The following DLGAP1 variants were observed in gnomAD, a reference collection of about 807,000 sequenced individuals.
The protein encoded by DLGAP1 is DLG associated protein 1.
DLGAP1 carries 11 observed loss-of-function variants against 90.8 expected under a neutral mutation model. That is an observed-to-expected ratio of 0.12 (90% CI 0.08 to 0.20). The LOEUF (loss-of-function observed/expected upper bound fraction) is 0.20. DLGAP1 is among the 10% of genes least tolerant of loss of function. The pLI, the probability that DLGAP1 is intolerant of heterozygous loss-of-function variation, is 1.00. For missense variants in DLGAP1, 1,050 were observed against 1,333.8 expected, an observed-to-expected ratio of 0.79 and a Z score of 3.31; for synonymous variants, 558 against 540.7, an observed-to-expected ratio of 1.03 and a Z score of -0.44.
chr18:3,685,939 C>A (rs2060688305), intron 7 of DLGAP1, among the ~76,000 whole-genome samples: 1 of 151,748 alleles, frequency 6.6e-6, no homozygotes, highest in Non-Finnish European at 1.5e-5. Flanking sequence ...TTTGGGAGGC[C>A]AAGGCAGGAG....
intron 3 of DLGAP1, among the ~76,000 whole-genome samples, chr18:3,961,932 A>G (rs73940353): frequency 2.6e-3 from 390 of 152,330 alleles, no homozygotes; most frequent in African/African-American, 8.9e-3. Flanking sequence ...GACTGGATGC[A>G]GGATGCTAAC....
intron 2 of DLGAP1, among the ~76,000 whole-genome samples, chr18:4,095,626 G>A (rs897579219): frequency 1.3e-5 from 2 of 151,870 alleles, no homozygotes; most frequent in South Asian, 2.1e-4. Flanking sequence ...CCAAGTCAGG[G>A]CCAGAAAGAC....
intron 1 of DLGAP1, chr18:4,264,497 C>T (rs2079064635): frequency 6.6e-6 from 1 of 152,194 alleles, no homozygotes; most frequent in Non-Finnish European, 1.5e-5. Context: ...CATTCTTCAC[C>T]TTCACTGACC....
chr18:3,921,118 G>A (rs1043357151), intron 3 of DLGAP1, among the ~76,000 whole-genome samples: 1 of 152,204 alleles, frequency 6.6e-6, no homozygotes, highest in Admixed American at 6.5e-5. Context: ...AGCCTGGGAA[G>A]CATTCTTTTA....
intron 1 of DLGAP1, among the ~76,000 whole-genome samples, chr18:4,237,347 C>T (rs188863656): frequency 2.6e-5 from 4 of 152,202 alleles, no homozygotes; most frequent in Admixed American, 2.0e-4. Context: ...CTCCAGTGGG[C>T]GCAGTCTTGG....
intron 1 of DLGAP1, among the ~76,000 whole-genome samples, chr18:4,269,350 A>AT (rs1276704887): frequency 7.2e-4 from 91 of 127,064 alleles, no homozygotes; most frequent in African/African-American, 2.5e-3. Flanking sequence ...ATATATATAT[A>AT]TATATTTTTT....
chr18:4,363,467 G>C (rs1452044472), intron 1 of DLGAP1, among the ~76,000 whole-genome samples: 4 of 152,104 alleles, frequency 2.6e-5, no homozygotes, highest in Non-Finnish European at 5.9e-5. Context: ...GTAACTTCCA[G>C]GAAACCAGAC....
At chr18:4,038,542 A>C (rs1454512345) in intron 2 of DLGAP1, among the ~76,000 whole-genome samples, 1 of 152,162 alleles carries the variant, frequency 6.6e-6, no homozygotes, top group Non-Finnish European at 1.5e-5. Flanking sequence ...GTTTATTTTT[A>C]ACATCTTCTC....
intron 1 of DLGAP1, among the ~76,000 whole-genome samples, chr18:4,230,694 A>ATTTC (rs1441401477): frequency 6.7e-6 from 1 of 149,646 alleles, no homozygotes; most frequent in Non-Finnish European, 1.5e-5. Context: ...AAGAATGACT[A>ATTTC]AGATCTAGTA....
At chr18:3,875,948 C>G (rs1439175126) in intron 4 of DLGAP1, among the ~76,000 whole-genome samples, 1 of 150,852 alleles carries the variant, frequency 6.6e-6, no homozygotes, top group Non-Finnish European at 1.5e-5. Flanking sequence ...GCTTTGCCTA[C>G]TAAGTCTCTA....
chr18:3,798,685 C>T (rs2066137738), intron 5 of DLGAP1, among the ~76,000 whole-genome samples: 1 of 152,102 alleles, frequency 6.6e-6, no homozygotes, highest in Non-Finnish European at 1.5e-5. Context: ...TTTTGAGTAA[C>T]ATTTGTAGCT....
chr18:4,351,798 T>C (rs996623165), intron 1 of DLGAP1, among the ~76,000 whole-genome samples: 1 of 152,242 alleles, frequency 6.6e-6, no homozygotes. Flanking sequence ...AAATTTATTT[T>C]ATTCTATACA....
intron 1 of DLGAP1, among the ~76,000 whole-genome samples, chr18:4,417,638 T>C (rs2082928875): frequency 6.6e-6 from 1 of 152,066 alleles, no homozygotes; most frequent in Non-Finnish European, 1.5e-5. Context: ...TTAAGTAAAG[T>C]GTCCAGAGTG....
chr18:4,420,245 CTT>C (rs1406344641), intron 1 of DLGAP1, among the ~76,000 whole-genome samples: 10 of 152,282 alleles, frequency 6.6e-5, no homozygotes, highest in Admixed American at 5.9e-4. Flanking sequence ...GACTTCAACA[CTT>C]TTCTCTCATA....
intron 5 of DLGAP1, chr18:3,770,910 C>T (rs1479253525): frequency 1.3e-5 from 2 of 152,182 alleles, no homozygotes; most frequent in South Asian, 2.1e-4. Context: ...ATGACTTCTA[C>T]CCACTTTTAT....
chr18:4,006,455 A>G (rs9949232), intron 2 of DLGAP1, among the ~76,000 whole-genome samples: 10,149 of 152,182 alleles, frequency 0.067, 970 homozygotes, highest in African/African-American at 0.21. Flanking sequence ...CTCTGTTCTC[A>G]CCAACGAGTA....
At chr18:4,120,774 T>C (rs2076141163) in intron 2 of DLGAP1, among the ~76,000 whole-genome samples, 1 of 150,340 alleles carries the variant, frequency 6.7e-6, no homozygotes, top group African/African-American at 2.4e-5. Context: ...CCCTTTCTCT[T>C]TCTCTCTCTC....
At chr18:3,718,209 C>T (rs1363410138) in intron 7 of DLGAP1, among the ~76,000 whole-genome samples, 3 of 151,994 alleles carry the variant, frequency 2.0e-5, no homozygotes, top group African/African-American at 7.3e-5. Context: ...GCCTATAATC[C>T]CAGCACTTTG....
intron 1 of DLGAP1, among the ~76,000 whole-genome samples, chr18:4,263,787 T>C (rs891682938): frequency 7.2e-6 from 1 of 139,614 alleles, no homozygotes; most frequent in Admixed American, 6.8e-5. Context: ...CATCTTTGTA[T>C]TTTTTTAATG....
Sources: gnomAD v4.1 joint callset for allele counts (sites outside exome capture counted in the v4.1 genomes callset) on GRCh38, gnomAD v4.1.1 for gene constraint, MANE v1.5 for transcripts, NCBI Gene and HGNC (gene_info 2026-07-23, HGNC 2026-07-21) for gene names.